The following PRKCA variants were observed in gnomAD, a reference collection of about 807,000 sequenced individuals.
PRKCA encodes the protein protein kinase C alpha, also known as protein kinase C alpha type.
PRKCA carries 27 observed loss-of-function variants against 87.0 expected under a neutral mutation model. That is an observed-to-expected ratio of 0.31 (90% confidence interval 0.23 to 0.43). The LOEUF (loss-of-function observed/expected upper bound fraction) is 0.43, where lower values mean the gene tolerates loss of function less well. Ranked by LOEUF, PRKCA falls within the 20% of genes least tolerant of loss-of-function variation. The pLI is 1.00. For synonymous variants in PRKCA, 329 were observed against 311.1 expected, an observed-to-expected ratio of 1.06 and a Z score of -0.61; for missense variants, 518 against 852.3, an observed-to-expected ratio of 0.61 and a Z score of 4.88.
chr17:66,686,917 T>C (rs1008254359), intron 5 of PRKCA, among the ~76,000 whole-genome samples, 194 bp from the exon 6 acceptor site: 3 of 152,210 alleles, frequency 2.0e-5, no homozygotes, highest in African/African-American at 7.2e-5. Flanking sequence ...GCCCACACGA[T>C]GCCCATTATC....
intron 16 of PRKCA, among the ~76,000 whole-genome samples, chr17:66,797,629 C>T (rs532722614): frequency 1.4e-4 from 22 of 152,282 alleles, no homozygotes; most frequent in East Asian, 9.7e-4. Flanking sequence ...ATCTTACCTT[C>T]GCAGAGAGAT....
chr17:66,514,614 T>C (rs569957136), intron 3 of PRKCA, among the ~76,000 whole-genome samples: 2 of 152,212 alleles, frequency 1.3e-5, no homozygotes, highest in African/African-American at 4.8e-5. Flanking sequence ...CTCCAGCGTT[T>C]AGTTTAGCTG....
intron 8 of PRKCA, among the ~76,000 whole-genome samples, chr17:66,697,090 C>T (rs1327527082): frequency 6.6e-6 from 1 of 152,226 alleles, no homozygotes. Flanking sequence ...TCGAGAAAGC[C>T]TTGGAAATTC....
chr17:66,684,859 C>T (rs1972582407), intron 5 of PRKCA, among the ~76,000 whole-genome samples: 1 of 152,158 alleles, frequency 6.6e-6, no homozygotes, highest in Non-Finnish European at 1.5e-5. Context: ...GCATTTTCTG[C>T]CTTTTAAAAA....
rs1047568524 is a variant in PRKCA, at chr17:66,629,677, T to C, written c.289-11678T>C. 6.6e-5 allele frequency among the ~76,000 whole-genome samples: 10 copies of C among 151,866 alleles called. No individual in the cohort carries two copies. The East Asian group carries it at 1.7e-3, about 26-fold the overall frequency. ...AAGTCTGTAATTAGCATAAACATTA[T>C]TTGGTGCTAAAAAAATGGTATCACA... is the stretch of plus-strand genomic sequence containing the variant. On this transcript the variant is annotated intron_variant, in intron 3 of 16. Transcript: ENST00000413366.
intron 5 of PRKCA, among the ~76,000 whole-genome samples, chr17:66,653,609 G>T (rs1214299121): frequency 1.3e-5 from 2 of 152,026 alleles, no homozygotes; most frequent in Non-Finnish European, 2.9e-5. Context: ...TAGTAGTTGT[G>T]GGCACAGTAT....
At position 66,528,336 on chromosome 17, in the gene PRKCA, A is replaced by T. The variant is rs117602887; in HGVS notation, c.288+32053A>T. On this transcript the variant is annotated intron_variant, in intron 3 of 16. Coordinates refer to ENST00000413366, the MANE Select transcript of PRKCA (RefSeq NM_002737.3). ...AGAATGATGTGCCTTCCCCCTGAAG[A>T]TATCCATGTCCTAATATCCAGACCC... 1.3e-4 allele frequency among the ~76,000 whole-genome samples: 20 copies of T among 152,178 alleles called. No homozygotes were observed. In the East Asian group the frequency reaches 1.7e-3, roughly 13 times the overall value.
intron 3 of PRKCA, among the ~76,000 whole-genome samples, chr17:66,635,448 T>G (rs1971128304): frequency 6.6e-6 from 1 of 152,220 alleles, no homozygotes; most frequent in Non-Finnish European, 1.5e-5. Flanking sequence ...GCCTGAGCTC[T>G]CATTCTGCCT....
chr17:66,672,927 C>A (rs985368098), intron 5 of PRKCA, among the ~76,000 whole-genome samples: 1 of 152,176 alleles, frequency 6.6e-6, no homozygotes, highest in Non-Finnish European at 1.5e-5. Context: ...TTCTCCCATG[C>A]AGAAGTATAG....
intron 5 of PRKCA, among the ~76,000 whole-genome samples, chr17:66,650,432 A>G (rs1971563448): frequency 6.6e-6 from 1 of 151,904 alleles, no homozygotes; most frequent in African/African-American, 2.4e-5. Context: ...TTCGGTTTAT[A>G]GGAGTAGTAA....
At chr17:66,433,325 C>G (rs1457198516) in intron 2 of PRKCA, among the ~76,000 whole-genome samples, 8 of 152,132 alleles carry the variant, frequency 5.3e-5, no homozygotes. Context: ...GAGGCATCTT[C>G]TAATGAAATT....
intron 5 of PRKCA, among the ~76,000 whole-genome samples, chr17:66,671,755 G>A (rs1045169628): frequency 1.3e-5 from 2 of 152,318 alleles, no homozygotes; most frequent in South Asian, 4.1e-4. Context: ...AGCCGAGTCG[G>A]GGGCTTGTAC....
At chr17:66,472,287 G>A (rs1007097328) in intron 2 of PRKCA, among the ~76,000 whole-genome samples, 21 of 152,182 alleles carry the variant, frequency 1.4e-4, no homozygotes, top group Admixed American at 1.4e-3. Context: ...AGACCAAGAA[G>A]AGGGAGTGGT....
intron 3 of PRKCA, among the ~76,000 whole-genome samples, chr17:66,579,379 A>G (rs1439318408): frequency 2.0e-5 from 3 of 152,192 alleles, no homozygotes; most frequent in African/African-American, 7.2e-5. Context: ...ACCTGCGATC[A>G]AGATGTGTGA....
intron 13 of PRKCA, among the ~76,000 whole-genome samples, chr17:66,764,820 T>A (rs1183424590): frequency 6.6e-6 from 1 of 152,218 alleles, no homozygotes; most frequent in Non-Finnish European, 1.5e-5. Context: ...AGCCCTGGGC[T>A]TGGCTGTAAG....
chr17:66,534,800 C>T (rs1197207954), intron 3 of PRKCA, among the ~76,000 whole-genome samples: 3 of 152,194 alleles, frequency 2.0e-5, no homozygotes, highest in Non-Finnish European at 4.4e-5. Flanking sequence ...ATTTGACTCT[C>T]TCCTGTATGA....
intron 2 of PRKCA, among the ~76,000 whole-genome samples, chr17:66,425,115 A>G (rs1268510016): frequency 6.6e-6 from 1 of 152,176 alleles, no homozygotes; most frequent in Non-Finnish European, 1.5e-5. Flanking sequence ...ATATTTGAAC[A>G]TTCAAGAAAT....
intron 3 of PRKCA, among the ~76,000 whole-genome samples, chr17:66,595,085 G>A (rs1969931769): frequency 6.6e-6 from 1 of 152,158 alleles, no homozygotes; most frequent in South Asian, 2.1e-4. Context: ...GCCAGTCTTT[G>A]CTTTGACGAT....
At chr17:66,511,057 G>A (rs1006083526) in intron 3 of PRKCA, among the ~76,000 whole-genome samples, 1 of 146,282 alleles carries the variant, frequency 6.8e-6, no homozygotes, top group Non-Finnish European at 1.5e-5. Context: ...CAATAGGTGA[G>A]GCATTTTTTT....
Sources: gnomAD v4.1 joint callset for allele counts (sites outside exome capture counted in the v4.1 genomes callset) on GRCh38, gnomAD v4.1.1 for gene constraint, MANE v1.5 for transcripts, NCBI Gene and HGNC (gene_info 2026-07-23, HGNC 2026-07-21) for gene names.